Variants in TREM2 observed in about 807,000 individuals in gnomAD.
TREM2 encodes the protein triggering receptor expressed on myeloid cells 2, also known as triggering receptor expressed on monocytes 2.
A neutral mutation model predicts 22.9 loss-of-function variants in TREM2; 20 were observed. That is an observed-to-expected ratio of 0.87 (90% confidence interval 0.61 to 1.27). The LOEUF is 1.27. Among genes scored for constraint, TREM2 ranks in the 50% most tolerant of loss-of-function variants. TREM2 has a pLI of 0.00. For missense variants in TREM2, 267 were observed against 289.0 expected, an observed-to-expected ratio of 0.92 and a Z score of 0.55; for synonymous variants, 111 against 120.9, an observed-to-expected ratio of 0.92 and a Z score of 0.54.
At position 41,159,039 on chromosome 6, in the gene TREM2, G is replaced by C. The variant is rs138788407; in HGVS notation, c.510C>G (p.Phe170Leu). 3.3e-5 allele frequency: 53 copies of C among 1,613,958 alleles called. No individual in the cohort carries two copies. In the African/African-American group the frequency reaches 6.5e-4, roughly 20 times the overall value. ...GGAGGAGAAGGATGGAAGTGGGTGGGAAGGGGATTTCTCCTTCCAAGAGGC... is the reference window on the plus strand; with the variant it reads ...GGAGGAGAAGGATGGAAGTGGGTGGCAAGGGGATTTCTCCTTCCAAGAGGC... Reference protein sequence around the residue: ...SRSLLEGEIPFPPTSILLLLA... With the variant: ...SRSLLEGEIPLPPTSILLLLA... Residue 170 changes from phenylalanine (F) to leucine (L), a missense_variant, in exon 4 of 5, where the codon TTC becomes TTG. Phe to Leu is a conservative substitution (Grantham distance 22). Coordinates refer to ENST00000373113, the MANE Select transcript of TREM2 (RefSeq NM_018965.4).
chr6:41,159,284 C>T (rs1000218712), intron 3 of TREM2, among the ~76,000 whole-genome samples: 10 of 152,198 alleles, frequency 6.6e-5, no homozygotes, highest in African/African-American at 2.2e-4. Context: ...CACTTAAACA[C>T]ACCACCTTCC....
intron 2 of TREM2, 50 bp from the exon 3 acceptor site, chr6:41,159,932 G>T (rs777787951): frequency 6.5e-7 from 1 of 1,543,966 alleles, no homozygotes; most frequent in Non-Finnish European, 8.9e-7. Flanking sequence ...CTCGAGGCAG[G>T]GGGAGAACCT....
chr6:41,159,839 C>T lies in TREM2; in HGVS notation c.435G>A (p.Gly145=), dbSNP rs756126666. The change falls in exon 3 of 5, where the codon GGG becomes GGA. Residue 145 remains glycine, a synonymous_variant. Transcript: ENST00000373113. The part of the protein sequence containing the change: ...HRDAGDLWFP[G]ESESFEDAHV... ...GGGCATCCTCGAAGCTCTCAGACTC[C>T]CCGGGGAACCAGAGATCTCCAGCAT... is the stretch of plus-strand genomic sequence containing the variant. 5.0e-6 allele frequency: 8 copies of T among 1,613,962 alleles called. No individual in the cohort carries two copies. The Admixed American group carries it at 5.0e-5, about 10-fold the overall frequency.
chr6:41,159,788 G>A lies in TREM2; in HGVS notation c.482+4C>T, dbSNP rs1267477423. 3.1e-6 allele frequency: 5 copies of A among 1,613,740 alleles called. No homozygotes were observed. The highest frequency in any genetic ancestry group is 3.3e-5 in the Admixed American group (2 of 59,996). Reference sequence around the variant, plus strand: ...CGGGTTTTAGGAAAGACCCATCGCTGTACCTGGAGATGCTGTGCTCCACAT... The same window carrying A: ...CGGGTTTTAGGAAAGACCCATCGCTATACCTGGAGATGCTGTGCTCCACAT... On this transcript the variant is annotated splice_donor_region_variant and intron_variant, in intron 3 of 4. Coordinates refer to ENST00000373113, the MANE Select transcript of TREM2 (RefSeq NM_018965.4).
Position 41,160,607 on chromosome 6 carries a change from G to A in TREM2, c.391+656C>T, listed in dbSNP as rs559750071. On this transcript the variant is annotated intron_variant, in intron 2 of 4. Coordinates refer to ENST00000373113, the MANE Select transcript of TREM2 (RefSeq NM_018965.4). ...CCCACCTACTCACACCTGGAATGAC[G>A]ATCCCAAGACAGTTCAGTAGCAGGA... Among the ~76,000 whole-genome samples the A allele has an allele frequency of 2.6e-5, 4 of 152,170 alleles. 1 individual carries two copies. The South Asian group carries it at 6.2e-4, about 24-fold the overall frequency.
In TREM2 at chr6:41,159,028, G is replaced by A; in HGVS notation, c.521C>T (p.Ser174Phe). 1 of 1,614,158 alleles carries A rather than the reference G, an allele frequency of 6.2e-7. No homozygotes were observed. Among genetic ancestry groups the A allele is most frequent in the Non-Finnish European group, 8.5e-7 (1 of 1,180,014 alleles). ...LEGEIPFPPT[S>F]ILLLLACIFL... ...GATGCAGGCCAGGAGGAGAAGGATGGAAGTGGGTGGGAAGGGGATTTCTCC... is the reference window on the plus strand; with the variant it reads ...GATGCAGGCCAGGAGGAGAAGGATGAAAGTGGGTGGGAAGGGGATTTCTCC... Residue 174 changes from serine (S) to phenylalanine (F), a missense_variant, in exon 4 of 5, where the codon TCC becomes TTC. Physicochemically the swap from Ser to Phe is radical, Grantham distance 155. Transcript: ENST00000373113.
chr6:41,158,580 GTTCTTACCACC>G lies in TREM2; in HGVS notation c.*173_*183del. The G allele has an allele frequency of 6.5e-7, 1 of 1,550,298 alleles. No homozygotes were observed. Among genetic ancestry groups the G allele is most frequent in the Non-Finnish European group, 8.7e-7 (1 of 1,145,508 alleles). On this transcript the variant is annotated 3_prime_UTR_variant, in exon 5 of 5. Transcript: ENST00000373113. ...GTCCAATATTCAGAAGTTGTCAGGT[GTTCTTACCACC>G]TCCCCACTCCCTCAACCAGTCCCTG...
At chr6:41,160,605 A>T (rs187724519) in intron 2 of TREM2, among the ~76,000 whole-genome samples, 1 of 152,210 alleles carries the variant, frequency 6.6e-6, no homozygotes, top group Admixed American at 6.5e-5. Context: ...ACCTGGAATG[A>T]CGATCCCAAG....
chr6:41,162,168 T>G (rs1765583319), intron 1 of TREM2, among the ~76,000 whole-genome samples: 1 of 152,238 alleles, frequency 6.6e-6, no homozygotes, highest in Non-Finnish European at 1.5e-5. Context: ...AGCACCAGCC[T>G]GTTGCTGGGG....
At chr6:41,161,193 T>A in intron 2 of TREM2, 70 bp downstream of exon 2, 1 of 1,437,820 alleles carries the variant, frequency 7.0e-7, no homozygotes, top group Non-Finnish European at 9.7e-7. Context: ...TGGGTGGTTC[T>A]GCACACAGAC....
chr6:41,160,048 G>A lies in TREM2; in HGVS notation c.392-166C>T, dbSNP rs182653531. 7.9e-4 allele frequency among the ~76,000 whole-genome samples: 121 copies of A among 152,230 alleles called. 3 individuals carry two copies. The South Asian group carries it at 9.5e-3, about 12-fold the overall frequency. On this transcript the variant is annotated intron_variant, in intron 2 of 4. Transcript: ENST00000373113. ...CTCAGTTTCCCCACTTATAAAGTGG[G>A]CCGTTAGGAACACTTCCTTAATAGC...
At position 41,163,083 on chromosome 6, in the gene TREM2, G is replaced by A; in HGVS notation, c.-1C>T. On this transcript the variant is annotated 5_prime_UTR_variant, in exon 1 of 5. Transcript: ENST00000373113. ...AGATGAGCAGCCGGAGAGGCTCCAT[G>A]CCACCCTTCCCCAGCCAAGGGCAGA... 1 of 1,614,126 alleles carries A rather than the reference G, an allele frequency of 6.2e-7. No individual in the cohort carries two copies. Among genetic ancestry groups the A allele is most frequent in the Non-Finnish European group, 8.5e-7 (1 of 1,180,006 alleles).
rs770097906 is a variant in TREM2, at chr6:41,158,678, G to T, written c.*86C>A. The T allele has an allele frequency of 1.2e-6, 2 of 1,613,466 alleles. No homozygotes were observed. The highest frequency in any genetic ancestry group is 1.7e-6 in the Non-Finnish European group (2 of 1,179,790). ...TAGTCTCTTGCCAGAGCAGAACAAG[G>T]AGTCCTGGTGGCCAAGTGGCAAGTA... On this transcript the variant is annotated 3_prime_UTR_variant, in exon 5 of 5. Coordinates refer to ENST00000373113, the MANE Select transcript of TREM2 (RefSeq NM_018965.4).
chr6:41,162,324 G>A (rs1765586795), intron 1 of TREM2, among the ~76,000 whole-genome samples: 1 of 152,150 alleles, frequency 6.6e-6, no homozygotes, highest in Non-Finnish European at 1.5e-5. Context: ...ATGGGCCGTG[G>A]CCCTCTCCCA....
intron 1 of TREM2, 115 bp downstream of exon 1, chr6:41,162,928 G>C: frequency 7.3e-7 from 1 of 1,362,932 alleles, no homozygotes. Flanking sequence ...GGGCACTCAG[G>C]CATGCGAGGA....
Position 41,159,658 on chromosome 6 carries a change from A to G in TREM2, c.482+134T>C, listed in dbSNP as rs1472146780. 1.2e-5 allele frequency: 9 copies of G among 758,932 alleles called. No individual in the cohort carries two copies. In the Admixed American group the frequency reaches 1.6e-4, roughly 13 times the overall value. 47.0% of individuals were successfully genotyped at this position (758,932 alleles called of 1,614,324 possible). ...TAGCAGCTGGTGGAGGGGTGTTTAC[A>G]TAAGAGATATCCAGGGCCCTTCAGG... On this transcript the variant is annotated intron_variant, in intron 3 of 4. Coordinates refer to ENST00000373113, the MANE Select transcript of TREM2 (RefSeq NM_018965.4).
rs565210171 is a variant in TREM2 at position 41,161,735 on chromosome 6, G to A, written c.41-122C>T. 22 of 830,772 alleles carry A rather than the reference G, an allele frequency of 2.6e-5. No homozygotes were observed. The Admixed American group carries it at 2.9e-4, about 11-fold the overall frequency. The allele number at this position is 830,772 out of a possible 1,614,324, so 51.5% of individuals were successfully genotyped here. On this transcript the variant is annotated intron_variant, in intron 1 of 4. Coordinates refer to ENST00000373113, the MANE Select transcript of TREM2 (RefSeq NM_018965.4). The stretch of plus-strand genomic sequence containing the variant: ...AGGAGCTTAGGTTCTTATACAAGTT[G>A]GGAGCGGATGGCACAGCATGTGTTT...
At chr6:41,161,679 G>C in intron 1 of TREM2, 66 bp from the exon 2 acceptor site, 1 of 1,415,778 alleles carries the variant, frequency 7.1e-7, no homozygotes, top group Non-Finnish European at 9.8e-7. Flanking sequence ...GCTCTGTGCA[G>C]TGACCTAAAC....
chr6:41,159,224 A>T (rs1050913821), intron 3 of TREM2, 158 bp from the exon 4 acceptor site: 1 of 854,078 alleles, frequency 1.2e-6, no homozygotes, highest in Non-Finnish European at 1.9e-6. Context: ...GGGAGCCCAT[A>T]GTCAAGAGAC....
Sources: gnomAD v4.1 joint callset for allele counts (sites outside exome capture counted in the v4.1 genomes callset) on GRCh38, gnomAD v4.1.1 for gene constraint, MANE v1.5 for transcripts, NCBI Gene and HGNC (gene_info 2026-07-23, HGNC 2026-07-21) for gene names.